ABR: variants seen among roughly 807,000 people sequenced by gnomAD.
ABR encodes active breakpoint cluster region-related protein.
ABR carries 35 observed loss-of-function variants against 107.2 expected under a neutral mutation model. The observed-to-expected ratio is 0.33, with a 90% confidence interval of 0.25 to 0.43. ABR has a LOEUF of 0.43. ABR is among the 20% of genes least tolerant of loss of function. The pLI is 1.00. For missense variants in ABR, 815 were observed against 1,115.2 expected, an observed-to-expected ratio of 0.73 and a Z score of 3.83; for synonymous variants, 498 against 462.0, an observed-to-expected ratio of 1.08 and a Z score of -1.00.
In ABR at chr17:1,157,057, C is replaced by A. The variant is rs746263132; in HGVS notation, c.61+22610G>T. Among the ~76,000 whole-genome samples, 4 of 152,182 alleles carry A rather than the reference C, an allele frequency of 2.6e-5. No individual in the cohort carries two copies. Among genetic ancestry groups the A allele is most frequent in the Non-Finnish European group, 5.9e-5 (4 of 68,042 alleles). Reference sequence around the variant, plus strand: ...CATACGATAAGTTAACTCACCGCAGCCTCACACCGCGCCAGGAGGCAGGCA... The same window carrying A: ...CATACGATAAGTTAACTCACCGCAGACTCACACCGCGCCAGGAGGCAGGCA... On this transcript the variant is annotated intron_variant, in intron 1 of 22. Coordinates refer to ENST00000302538, the MANE Select transcript of ABR (RefSeq NM_021962.5). This position sits in a 1 kb window ranked among gnomAD's most constrained non-coding sequence, Gnocchi z 4.7.
At chr17:1,101,734 C>CTTT (rs796580737) in intron 2 of ABR, among the ~76,000 whole-genome samples, 2 of 140,848 alleles carry the variant, frequency 1.4e-5, no homozygotes, top group African/African-American at 5.2e-5. Flanking sequence ...TTTATTTTTT[C>CTTT]TTTTTTTTTT....
chr17:1,004,951 G>A lies in ABR; in HGVS notation c.*1129C>T, dbSNP rs536219816. ...CCACGAGGTCCTGCGGTGCCAGGGA[G>A]CTCCTGGCTGCAGCCTACCTGCCTG... On this transcript the variant is annotated 3_prime_UTR_variant, in exon 23 of 23. Coordinates refer to ENST00000302538, the MANE Select transcript of ABR (RefSeq NM_021962.5). The A allele has an allele frequency of 3.5e-5, 14 of 398,866 alleles. No individual in the cohort carries two copies. In the East Asian group the frequency reaches 5.0e-4, roughly 14 times the overall value. The allele number at this position is 398,866 out of a possible 1,614,324, so 24.7% of individuals were successfully genotyped here.
intron 3 of ABR, among the ~76,000 whole-genome samples, chr17:1,094,042 C>T (rs928592773): frequency 2.0e-5 from 3 of 152,066 alleles, no homozygotes; most frequent in Non-Finnish European, 4.4e-5. Context: ...AATGGCCCCT[C>T]GGTGTCCGGT....
upstream of ABR, among the ~76,000 whole-genome samples, chr17:1,188,100 A>G (rs1481715631): frequency 2.6e-5 from 4 of 152,136 alleles, no homozygotes; most frequent in Non-Finnish European, 4.4e-5. Flanking sequence ...CTGTAGTCCC[A>G]GCTACTCAAG....
chr17:1,152,664 A>C (rs567398966), intron 1 of ABR, among the ~76,000 whole-genome samples: 34 of 152,198 alleles, frequency 2.2e-4, no homozygotes, highest in Non-Finnish European at 3.8e-4. Flanking sequence ...CACCTGGAAC[A>C]CAGACTTTTT....
At chr17:1,113,380 C>G (rs551925029) in intron 2 of ABR, among the ~76,000 whole-genome samples, 2 of 149,806 alleles carry the variant, frequency 1.3e-5, no homozygotes, top group Non-Finnish European at 3.0e-5. Context: ...TCCGCCTCCT[C>G]GGTTCAACCC....
intron 1 of ABR, among the ~76,000 whole-genome samples, chr17:1,207,009 G>A (rs1347113913): frequency 1.3e-5 from 2 of 152,110 alleles, no homozygotes; most frequent in Non-Finnish European, 2.9e-5. Flanking sequence ...GCTTGAACCC[G>A]GGAGGTGGAG....
intron 1 of ABR, among the ~76,000 whole-genome samples, chr17:1,149,281 G>A (rs930827112): frequency 3.3e-5 from 5 of 152,054 alleles, no homozygotes; most frequent in Non-Finnish European, 4.4e-5. Context: ...GTAATACCAG[G>A]GACAGAGACC....
intron 4 of ABR, among the ~76,000 whole-genome samples, chr17:1,090,863 C>T (rs976939195): frequency 1.3e-5 from 2 of 152,158 alleles, no homozygotes; most frequent in African/African-American, 4.8e-5. Context: ...GCCTGCTGGG[C>T]GGTCAGACGT....
rs1189422404 is a variant in ABR at position 1,179,870 on chromosome 17, G to A, written c.-143C>T. 8.6e-6 allele frequency: 7 copies of A among 809,394 alleles called. No individual in the cohort carries two copies. The East Asian group carries it at 2.0e-4, about 23-fold the overall frequency. 50.1% of individuals were successfully genotyped at this position (809,394 alleles called of 1,614,324 possible). A position where few individuals can be genotyped will look rare whatever the true frequency, so the allele number is the denominator to read the frequency against. ...GGAACCAGGTCCCCGGGAGGAGCGC[G>A]GGGCGGCCGGGGCAGGGGCGAGGGC... On this transcript the variant is annotated 5_prime_UTR_variant, in exon 1 of 23. Transcript: ENST00000302538. The surrounding 1 kb of genome is among the most constrained non-coding windows in gnomAD (Gnocchi z 4.9).
intron 11 of ABR, 89 bp from the exon 12 acceptor site, chr17:1,058,134 A>AAAT: frequency 6.4e-6 from 3 of 471,542 alleles, no homozygotes; most frequent in Non-Finnish European, 1.0e-5. Flanking sequence ...AGCTCCTTTT[A>AAAT]TCTTTTTTTT....
intron 1 of ABR, among the ~76,000 whole-genome samples, chr17:1,209,187 A>C (rs1278316241): frequency 6.6e-6 from 1 of 152,066 alleles, no homozygotes. Context: ...ACTTACAGTC[A>C]TAAAATCAGA....
At chr17:1,098,534 T>C (rs1249004383) in intron 3 of ABR, among the ~76,000 whole-genome samples, 1 of 152,236 alleles carries the variant, frequency 6.6e-6, no homozygotes, top group East Asian at 1.9e-4. Flanking sequence ...GGTTTAAAAA[T>C]GCTGGTTCAA....
At chr17:1,090,340 G>T (rs2036935009) in intron 4 of ABR, among the ~76,000 whole-genome samples, 1 of 152,048 alleles carries the variant, frequency 6.6e-6, no homozygotes, top group Admixed American at 6.6e-5. Flanking sequence ...GGGCCGTGGG[G>T]ATCCGCTGAA....
chr17:1,144,712 T>G (rs1020706299), intron 1 of ABR, among the ~76,000 whole-genome samples: 1 of 151,586 alleles, frequency 6.6e-6, no homozygotes, highest in Admixed American at 6.6e-5. Flanking sequence ...GTCAACATGG[T>G]GAAGCCCCGT....
At chr17:1,123,065 TC>T (rs1319624406) in intron 2 of ABR, among the ~76,000 whole-genome samples, 3 of 152,036 alleles carry the variant, frequency 2.0e-5, no homozygotes, top group East Asian at 1.9e-4. Context: ...AACCAAAACA[TC>T]CCCAAGTACT....
At chr17:1,207,265 G>C (rs2042806694) in intron 1 of ABR, among the ~76,000 whole-genome samples, 1 of 149,874 alleles carries the variant, frequency 6.7e-6, no homozygotes, top group African/African-American at 2.5e-5. Context: ...AAAAAAATGT[G>C]AACAGATTCT....
chr17:1,142,343 G>A (rs1160061252), intron 1 of ABR, among the ~76,000 whole-genome samples: 5 of 152,066 alleles, frequency 3.3e-5, no homozygotes, highest in African/African-American at 1.2e-4. Flanking sequence ...CCAGCACTTT[G>A]GGAGGCCGAG....
At chr17:1,081,666 TC>T (rs916657738) in intron 5 of ABR, among the ~76,000 whole-genome samples, 2 of 152,042 alleles carry the variant, frequency 1.3e-5, no homozygotes, top group African/African-American at 4.8e-5. Flanking sequence ...AACCTCCACC[TC>T]CCGGGTTCAA....
Sources: allele counts gnomAD v4.1 joint callset (sites outside exome capture counted in the v4.1 genomes callset), GRCh38; gene constraint gnomAD v4.1.1; non-coding constraint Gnocchi (gnomAD v3.1); transcripts MANE v1.5; gene names NCBI Gene and HGNC (gene_info 2026-07-23, HGNC 2026-07-21).